COP1: variants seen among roughly 807,000 people sequenced by gnomAD.
COP1 encodes E3 ubiquitin-protein ligase COP1.
Under a neutral mutation model 101.3 loss-of-function variants are expected in COP1, and 24 were observed. The ratio of observed to expected loss-of-function variants is 0.24; its 90% CI spans 0.17 to 0.33. The LOEUF (loss-of-function observed/expected upper bound fraction) is 0.33. COP1 is among the 10% of genes least tolerant of loss of function. The pLI is 1.00. For synonymous variants in COP1, 347 were observed against 341.9 expected (o/e 1.01, Z -0.17); for missense variants, 663 against 906.2 (o/e 0.73, Z 3.45).
At chr1:176,181,618 G>A (rs1414156816) in intron 2 of COP1, among the ~76,000 whole-genome samples, 1 of 151,846 alleles carries the variant, frequency 6.6e-6, no homozygotes, top group Non-Finnish European at 1.5e-5. Flanking sequence ...CGAGGCGGGC[G>A]GATCACAAGG....
At chr1:176,019,721 C>T (rs1666385655) in intron 15 of COP1, among the ~76,000 whole-genome samples, 1 of 151,548 alleles carries the variant, frequency 6.6e-6, no homozygotes, top group Non-Finnish European at 1.5e-5. Flanking sequence ...ATTAGCCAGG[C>T]ATCGTAGCAT....
chr1:176,075,065 C>T (rs1180862039), intron 11 of COP1, among the ~76,000 whole-genome samples: 2 of 152,106 alleles, frequency 1.3e-5, no homozygotes, highest in African/African-American at 4.8e-5. Context: ...ATTGTGAGCT[C>T]TCCTGAATCC....
intron 3 of COP1, among the ~76,000 whole-genome samples, chr1:176,168,304 G>A (rs548047356): frequency 6.8e-4 from 103 of 151,554 alleles, no homozygotes; most frequent in African/African-American, 2.0e-3. Flanking sequence ...TGATCCGCCC[G>A]TGTCAGACTC....
chr1:175,968,026 C>T (rs1652419887), intron 18 of COP1, among the ~76,000 whole-genome samples: 1 of 152,102 alleles, frequency 6.6e-6, no homozygotes, highest in African/African-American at 2.4e-5. Context: ...TGCCAACACA[C>T]CTGGCTAATT....
intron 11 of COP1, among the ~76,000 whole-genome samples, chr1:176,051,927 A>AG (rs1558007015): frequency 6.6e-6 from 1 of 152,198 alleles, no homozygotes; most frequent in East Asian, 1.9e-4. Flanking sequence ...TCAAAAAAAA[A>AG]TTTTTAAGTT....
At chr1:176,123,278 A>G (rs1302309318) in intron 8 of COP1, among the ~76,000 whole-genome samples, 2 of 152,194 alleles carry the variant, frequency 1.3e-5, no homozygotes, top group Admixed American at 6.5e-5. Flanking sequence ...GAAAAATATG[A>G]TGGGACTTCG....
chr1:175,960,305 T>C (rs2148532048), intron 18 of COP1, among the ~76,000 whole-genome samples: 1 of 152,348 alleles, frequency 6.6e-6, no homozygotes, highest in South Asian at 2.1e-4. Context: ...GCAAGTTACT[T>C]GACCTCTCTG....
chr1:176,088,147 T>C (rs1420507333), intron 9 of COP1, among the ~76,000 whole-genome samples: 1 of 151,910 alleles, frequency 6.6e-6, no homozygotes, highest in African/African-American at 2.4e-5. Context: ...GAGAAACACC[T>C]AATGTAAATG....
At chr1:176,152,286 T>A (rs1416585773) in intron 5 of COP1, among the ~76,000 whole-genome samples, 1 of 151,782 alleles carries the variant, frequency 6.6e-6, no homozygotes, top group Non-Finnish European at 1.5e-5. Context: ...TTATACATAA[T>A]AGAGAGTGTG....
At position 176,184,699 on chromosome 1, in the gene COP1, A is replaced by G; in HGVS notation, c.408-7T>C. 4 of 1,596,168 alleles carry G rather than the reference A, an allele frequency of 2.5e-6. No individual in the cohort carries two copies. The highest frequency in any genetic ancestry group is 2.6e-6 in the Non-Finnish European group (3 of 1,170,752). ...CATATCAAAGCAGATGGGGCTAAAA[A>G]GAAAAGAAAAATAATTGATTTTTTT... On this transcript the variant is annotated splice_region_variant and splice_polypyrimidine_tract_variant and intron_variant, in intron 1 of 19. Transcript: ENST00000367669.
At chr1:176,156,993 T>A (rs955954060) in intron 5 of COP1, among the ~76,000 whole-genome samples, 1 of 151,920 alleles carries the variant, frequency 6.6e-6, no homozygotes, top group Non-Finnish European at 1.5e-5. Flanking sequence ...AGGCCAGGAG[T>A]TCGAGACCAG....
intron 1 of COP1, among the ~76,000 whole-genome samples, chr1:176,190,281 T>C (rs193292276): frequency 2.6e-5 from 4 of 152,172 alleles, no homozygotes; most frequent in Admixed American, 2.6e-4. Flanking sequence ...TTGCGTGTCA[T>C]GGTGGCACTC....
chr1:176,090,274 C>A (rs1681028012), intron 9 of COP1, among the ~76,000 whole-genome samples: 1 of 152,296 alleles, frequency 6.6e-6, no homozygotes, highest in Admixed American at 6.5e-5. Context: ...TAAGTAATGA[C>A]AGGTGTCTTA....
At chr1:176,093,088 T>C (rs1353474569) in intron 9 of COP1, among the ~76,000 whole-genome samples, 1 of 152,194 alleles carries the variant, frequency 6.6e-6, no homozygotes, top group Non-Finnish European at 1.5e-5. Flanking sequence ...TTTTATAAAG[T>C]TCAAATACAG....
At chr1:176,145,979 T>G (rs1691533317) in intron 6 of COP1, among the ~76,000 whole-genome samples, 1 of 152,180 alleles carries the variant, frequency 6.6e-6, no homozygotes, top group Non-Finnish European at 1.5e-5. Context: ...CTACTGTAAT[T>G]CTTTAAACTA....
chr1:176,122,254 G>C (rs1322428142), intron 8 of COP1, among the ~76,000 whole-genome samples: 1 of 151,984 alleles, frequency 6.6e-6, no homozygotes, highest in Non-Finnish European at 1.5e-5. Context: ...AAAAAACCTG[G>C]TCTGAACACA....
intron 11 of COP1, among the ~76,000 whole-genome samples, chr1:176,049,268 GCTCT>G (rs916545601): frequency 4.6e-5 from 7 of 150,930 alleles, no homozygotes; most frequent in Middle Eastern, 3.5e-3. Context: ...ATTCAAGACA[GCTCT>G]CTCTCTTTTT....
intron 11 of COP1, among the ~76,000 whole-genome samples, chr1:176,076,801 C>T (rs12137136): frequency 0.066 from 9,978 of 152,026 alleles, 451 homozygotes; most frequent in Non-Finnish European, 0.087. Context: ...ACAACCAATA[C>T]CACAGAAATA....
At chr1:176,168,111 G>A (rs1003700372) in intron 3 of COP1, among the ~76,000 whole-genome samples, 30 of 151,610 alleles carry the variant, frequency 2.0e-4, no homozygotes, top group Admixed American at 2.0e-4. Flanking sequence ...AGGCTGGAGT[G>A]CAATGGTGCG....
Sources: gnomAD v4.1 joint callset for allele counts (sites outside exome capture counted in the v4.1 genomes callset) on GRCh38, gnomAD v4.1.1 for gene constraint, MANE v1.5 for transcripts, NCBI Gene and HGNC (gene_info 2026-07-23, HGNC 2026-07-21) for gene names.